Variants in SBK1 observed in about 807,000 individuals in gnomAD.
SBK1 encodes SH3 domain binding kinase 1, also known as serine/threonine-protein kinase SBK1.
Under a neutral mutation model 24.4 loss-of-function variants are expected in SBK1, and 11 were observed. The ratio of observed to expected loss-of-function variants is 0.45; its 90% CI spans 0.28 to 0.75. The LOEUF is 0.75. Ranked by LOEUF, SBK1 falls within the 30% of genes least tolerant of loss-of-function variation. The pLI is 0.12. For synonymous variants in SBK1, 308 were observed against 284.4 expected, an observed-to-expected ratio of 1.08 and a Z score of -0.83; for missense variants, 467 against 620.5, an observed-to-expected ratio of 0.75 and a Z score of 2.63.
At chr16:28,282,593 G>C (rs910878485) in intron 1 of SBK1, among the ~76,000 whole-genome samples, 5 of 140,242 alleles carry the variant, frequency 3.6e-5, no homozygotes, top group Non-Finnish European at 8.0e-5. Context: ...TTTTATCCCA[G>C]AGTCTTCACA....
intron 1 of SBK1, among the ~76,000 whole-genome samples, chr16:28,313,741 G>T (rs934263607): frequency 6.6e-6 from 1 of 152,064 alleles, no homozygotes; most frequent in Non-Finnish European, 1.5e-5. Context: ...TGAGAGGACG[G>T]TGCAGATGGA....
Position 28,259,367 on chromosome 16 carries a change from G to A in SBK1, c.122G>A (p.Gly41Asp). The A allele has an allele frequency of 1.2e-6, 1 of 824,626 alleles. No individual in the cohort carries two copies. The highest frequency in any genetic ancestry group is 1.5e-6 in the Non-Finnish European group (1 of 683,406). 51.1% of individuals were successfully genotyped at this position (824,626 alleles called of 1,614,324 possible). Reference sequence around the variant, plus strand: ...GATGATGCTGCGGAGGCCACCCCTGGCCACCCCTGCCCTGTCCTGGAGCTG... The same window carrying A: ...GATGATGCTGCGGAGGCCACCCCTGACCACCCCTGCCCTGTCCTGGAGCTG... Residue 41 changes from glycine to aspartate, a missense_variant, in exon 1 of 4, where the codon GGC (glycine) becomes GAC (aspartate). Transcript: ENST00000671413. The surrounding 1 kb of genome is among the most constrained non-coding windows in gnomAD (Gnocchi z 6.0).
upstream of SBK1, among the ~76,000 whole-genome samples, chr16:28,290,085 CAAAA>C (rs34970334): frequency 5.8e-5 from 6 of 102,700 alleles, no homozygotes; most frequent in African/African-American, 1.6e-4. Flanking sequence ...GACCCTGTCT[CAAAA>C]AAAAAAAAAA....
At chr16:28,309,366 G>A (rs1305083300) in intron 1 of SBK1, among the ~76,000 whole-genome samples, 4 of 152,304 alleles carry the variant, frequency 2.6e-5, no homozygotes, top group Non-Finnish European at 4.4e-5. Flanking sequence ...TCTCCAGCCC[G>A]ACTTTGTAGT....
Position 28,292,940 on chromosome 16 carries a change from A to T in SBK1, c.-368A>T. 1 of 970,902 alleles carries T rather than the reference A, an allele frequency of 1.0e-6. No individual in the cohort carries two copies. The allele number at this position is 970,902 out of a possible 1,614,324, so 60.1% of individuals were successfully genotyped here. On this transcript the variant is annotated 5_prime_UTR_variant, in exon 1 of 4. Coordinates refer to ENST00000341901, the MANE Select transcript of SBK1 (RefSeq NM_001024401.3). ...GCCCCCGCCCCAAGACCTAGAACGC[A>T]GTGCCCCCAGGCCGGGATTGCGAGA...
intron 1 of SBK1, among the ~76,000 whole-genome samples, chr16:28,269,713 C>CGA (rs2044452255): frequency 6.9e-6 from 1 of 144,100 alleles, no homozygotes; most frequent in Non-Finnish European, 1.5e-5. Context: ...ACTAAAAATA[C>CGA]AAAAAAAAAA....
chr16:28,288,861 C>G (rs1259801340), upstream of SBK1, among the ~76,000 whole-genome samples: 1 of 152,230 alleles, frequency 6.6e-6, no homozygotes, highest in Admixed American at 6.5e-5. Flanking sequence ...GGGACCCATG[C>G]TGTGTCCCCT....
chr16:28,266,982 CT>C (rs2044433179), intron 1 of SBK1, among the ~76,000 whole-genome samples: 1 of 152,200 alleles, frequency 6.6e-6, no homozygotes, highest in Non-Finnish European at 1.5e-5. Context: ...TCTCAGCACA[CT>C]TCAACCTCTG....
chr16:28,284,771 TC>T (rs1250110608), intron 1 of SBK1: 2 of 152,222 alleles, frequency 1.3e-5, no homozygotes, highest in African/African-American at 4.8e-5. Flanking sequence ...AAAACTTCTT[TC>T]TTTTTCCTTC....
intron 1 of SBK1, among the ~76,000 whole-genome samples, chr16:28,279,183 C>T (rs118190925): frequency 0.056 from 8,131 of 145,272 alleles, 517 homozygotes; most frequent in Admixed American, 0.2. Flanking sequence ...CTTCAGCCTG[C>T]TGGGTGACAC....
At chr16:28,277,300 C>T (rs2044499576) in intron 1 of SBK1, among the ~76,000 whole-genome samples, 1 of 151,772 alleles carries the variant, frequency 6.6e-6, no homozygotes, top group Non-Finnish European at 1.5e-5. Context: ...TTTGAAAGCT[C>T]CCCGGAGTTT....
chr16:28,295,341 G>A (rs972555303), intron 1 of SBK1, among the ~76,000 whole-genome samples: 2 of 152,124 alleles, frequency 1.3e-5, no homozygotes, highest in South Asian at 2.1e-4. Flanking sequence ...CTCTGCCTCC[G>A]TCACGTGCTC....
intron 1 of SBK1, among the ~76,000 whole-genome samples, chr16:28,280,184 CAT>C (rs1469077489): frequency 1.8e-4 from 10 of 54,268 alleles, no homozygotes; most frequent in Non-Finnish European, 2.4e-4. Flanking sequence ...TGTATATATA[CAT>C]ATATATGTAC....
In SBK1 at chr16:28,266,754, A is replaced by AAC. The variant is rs1204727313; in HGVS notation, c.257+7253_257+7254insCA. Among the ~76,000 whole-genome samples the AAC allele has an allele frequency of 1.1e-3, 160 of 148,038 alleles. 2 individuals carry two copies. The South Asian group carries it at 0.028, about 25-fold the overall frequency. On this transcript the variant is annotated intron_variant, in intron 1 of 3. Coordinates refer to the SBK1 transcript ENST00000671413. ...TTTTCTTTTTTTTTTTTTTTAAAAA[A>AAC]AAAACAAAACAGGATCTTGCTCTGT...
chr16:28,288,515 C>T (rs889080476), upstream of SBK1, among the ~76,000 whole-genome samples: 4 of 152,192 alleles, frequency 2.6e-5, no homozygotes, highest in South Asian at 2.1e-4. Flanking sequence ...CTGCAGTTAT[C>T]GAGAGGCCAT....
intron 1 of SBK1, among the ~76,000 whole-genome samples, chr16:28,273,325 A>G (rs2044478377): frequency 1.3e-5 from 2 of 151,750 alleles, no homozygotes; most frequent in South Asian, 4.2e-4. Context: ...GGTTCAAGCA[A>G]TTCTCCTGCC....
In SBK1 at chr16:28,259,917, C is replaced by A. The variant is rs982027021; in HGVS notation, c.257+415C>A. 6.6e-6 allele frequency among the ~76,000 whole-genome samples: 1 copy of A among 152,142 alleles called. No individual in the cohort carries two copies. The highest frequency in any genetic ancestry group is 1.5e-5 in the Non-Finnish European group (1 of 68,024). On this transcript the variant is annotated intron_variant, in intron 1 of 3. Transcript: ENST00000671413. This position sits in a 1 kb window ranked among gnomAD's most constrained non-coding sequence, Gnocchi z 6.0. The stretch of plus-strand genomic sequence containing the variant: ...CCCAGACTTCTCTTCCCCCATTCTC[C>A]TCCATCCAGGCCCAGCTGCAACGCT...
chr16:28,280,114 ACTATAT>A (rs1161768547), intron 1 of SBK1, among the ~76,000 whole-genome samples: 1 of 31,810 alleles, frequency 3.1e-5, no homozygotes, highest in African/African-American at 1.1e-4. Flanking sequence ...TTTGAAAAAA[ACTATAT>A]ATATATATAT....
intron 1 of SBK1, among the ~76,000 whole-genome samples, chr16:28,280,862 G>C (rs908363948): frequency 1.3e-5 from 2 of 151,712 alleles, no homozygotes; most frequent in African/African-American, 2.4e-5. Context: ...ATGGTGTTTT[G>C]CCATGTTGGC....
Sources: allele counts gnomAD v4.1 joint callset (sites outside exome capture counted in the v4.1 genomes callset), GRCh38; gene constraint gnomAD v4.1.1; non-coding constraint Gnocchi (gnomAD v3.1); transcripts MANE v1.5; gene names NCBI Gene and HGNC (gene_info 2026-07-23, HGNC 2026-07-21).